The following ANKRD60 variants were observed in gnomAD, a reference collection of about 807,000 sequenced individuals.
The protein encoded by ANKRD60 is ankyrin repeat domain 60, also known as ankyrin repeat domain-containing protein 60.
Under a neutral mutation model 21.3 loss-of-function variants are expected in ANKRD60, and 24 were observed. That is an observed-to-expected ratio of 1.13 (90% CI 0.82 to 1.59). The LOEUF is 1.59. ANKRD60 is among the 40% of genes most tolerant of loss of function. The pLI is 0.00. For missense variants in ANKRD60, 490 were observed against 466.7 expected, an observed-to-expected ratio of 1.05 and a Z score of -0.46; for synonymous variants, 182 against 199.4, an observed-to-expected ratio of 0.91 and a Z score of 0.74.
At position 58,225,614 on chromosome 20, in the gene ANKRD60, G is replaced by A. The variant is rs1017885157; in HGVS notation, c.431-2432C>T. Among the ~76,000 whole-genome samples, 21 of 152,230 alleles carry A rather than the reference G, an allele frequency of 1.4e-4. 1 individual carries two copies. The highest frequency in any genetic ancestry group is 3.9e-4 in the African/African-American group (16 of 41,546). ...TCCAGAGCTGGTTTCTCTGTGTTAC[G>A]GATTAGGAAACTGAGCCCAGAAGGG... On this transcript the variant is annotated intron_variant, in intron 1 of 3. Coordinates refer to ENST00000457363, the Ensembl canonical transcript of ANKRD60.
intron 3 of ANKRD60, among the ~76,000 whole-genome samples, chr20:58,219,513 G>A (rs1056364111): frequency 6.6e-6 from 1 of 152,192 alleles, no homozygotes; most frequent in Admixed American, 6.5e-5. Context: ...GCAATGGGCA[G>A]CCTGACTCAT....
At chr20:58,225,560 T>G (rs947834742) in intron 1 of ANKRD60, among the ~76,000 whole-genome samples, 16 of 152,180 alleles carry the variant, frequency 1.1e-4, no homozygotes, top group African/African-American at 3.9e-4. Flanking sequence ...GCGTCATTTC[T>G]GTCCAGAGGG....
At chr20:58,226,849 T>A (rs1984373575) in intron 1 of ANKRD60, among the ~76,000 whole-genome samples, 1 of 152,154 alleles carries the variant, frequency 6.6e-6, no homozygotes, top group African/African-American at 2.4e-5. Flanking sequence ...AGGGTTCATT[T>A]TGGGCTCTGT....
chr20:58,220,249 T>C (rs1984219141), intron 3 of ANKRD60, among the ~76,000 whole-genome samples: 2 of 152,128 alleles, frequency 1.3e-5, no homozygotes, highest in Non-Finnish European at 2.9e-5. Flanking sequence ...CCAAGGAAGC[T>C]GGTGGTCTGG....
intron 3 of ANKRD60, among the ~76,000 whole-genome samples, chr20:58,219,261 C>A (rs184525740): frequency 6.6e-6 from 1 of 152,342 alleles, no homozygotes; most frequent in Admixed American, 6.5e-5. Flanking sequence ...GGTTTCATTT[C>A]TTTCCTTGGG....
At chr20:58,218,439 T>C, downstream of ANKRD60, 3 of 1,501,010 alleles carry the variant, frequency 2.0e-6, no homozygotes, top group Non-Finnish European at 1.8e-6. Context: ...CCCATGGGAT[T>C]GAACTCTGCA....
chr20:58,225,933 C>G (rs993577771), intron 1 of ANKRD60, among the ~76,000 whole-genome samples: 8 of 152,054 alleles, frequency 5.3e-5, no homozygotes, highest in African/African-American at 1.9e-4. Context: ...GGGAAGGAGA[C>G]TGATGGAAGG....
intron 2 of ANKRD60, among the ~76,000 whole-genome samples, chr20:58,222,328 G>A (rs1984275738): frequency 6.6e-6 from 1 of 152,172 alleles, no homozygotes; most frequent in Non-Finnish European, 1.5e-5. Context: ...GCCTCCTGCC[G>A]CACCTGCCCC....
chr20:58,228,119 C>T lies in ANKRD60; in HGVS notation c.430+105G>A. On this transcript the variant is annotated intron_variant, in intron 1 of 3. Coordinates refer to ENST00000457363, the Ensembl canonical transcript of ANKRD60. This position sits in a 1 kb window ranked among gnomAD's most constrained non-coding sequence, Gnocchi z 5.3. ...GTTGGGTTTCAGGGGTTTGCTTTGACATCTGGGGTTTCTCACGTAAGCAGG... is the reference window on the plus strand; with the variant it reads ...GTTGGGTTTCAGGGGTTTGCTTTGATATCTGGGGTTTCTCACGTAAGCAGG... 8.4e-7 allele frequency: 1 copy of T among 1,194,622 alleles called. No homozygotes were observed. The highest frequency in any genetic ancestry group is 2.7e-5 in the Admixed American group (1 of 37,418). 74.0% of individuals were successfully genotyped at this position (1,194,622 alleles called of 1,614,324 possible).
intron 3 of ANKRD60, among the ~76,000 whole-genome samples, chr20:58,220,896 G>A (rs765613725): frequency 6.6e-6 from 1 of 152,130 alleles, no homozygotes; most frequent in Non-Finnish European, 1.5e-5. Flanking sequence ...GCCTTCCAAA[G>A]TGCTGAGATT....
chr20:58,223,321 G>A (rs1984300806), intron 1 of ANKRD60, 139 bp from the exon 2 acceptor site: 1 of 776,334 alleles, frequency 1.3e-6, no homozygotes, highest in Non-Finnish European at 1.9e-6. Flanking sequence ...TCATTTGATG[G>A]TGTCGCGTGG....
At chr20:58,227,066 T>G (rs1017356761) in intron 1 of ANKRD60, among the ~76,000 whole-genome samples, 6 of 152,190 alleles carry the variant, frequency 3.9e-5, no homozygotes, top group Non-Finnish European at 7.3e-5. Flanking sequence ...ATATGGGGTC[T>G]TGAGGCAGGC....
In ANKRD60 at chr20:58,220,031, G is replaced by A. The variant is rs16981846; in HGVS notation, c.728-1226C>T. Among the ~76,000 whole-genome samples the A allele has an allele frequency of 5.6e-3, 857 of 152,288 alleles. 5 individuals are homozygous for A. Among genetic ancestry groups the A allele is most frequent in the African/African-American group, 0.018 (745 of 41,538 alleles). On this transcript the variant is annotated intron_variant, in intron 3 of 3. Transcript: ENST00000457363. ...CACCCGATGCACGGCCCAATCATCC[G>A]GCCCAGGAAGTCCAAGATGTTTTCC...
chr20:58,218,928 C>A, intron 3 of ANKRD60, 123 bp from the exon 4 acceptor site: 1 of 874,796 alleles, frequency 1.1e-6, no homozygotes, highest in Non-Finnish European at 1.7e-6. Context: ...CCAGTACTGC[C>A]CTGCCCCCAG....
At chr20:58,225,373 T>C (rs955134242) in intron 1 of ANKRD60, among the ~76,000 whole-genome samples, 3 of 152,228 alleles carry the variant, frequency 2.0e-5, no homozygotes, top group African/African-American at 7.2e-5. Context: ...ACTTTTAATA[T>C]GTTAAATACA....
chr20:58,217,546 G>C (rs149293232), downstream of ANKRD60, among the ~76,000 whole-genome samples: 4 of 151,970 alleles, frequency 2.6e-5, no homozygotes, highest in African/African-American at 4.8e-5. Flanking sequence ...GTCAAGTCTC[G>C]GTGCTCTCTT....
rs145966933 is a variant in ANKRD60, at chr20:58,219,773, G to C, written c.728-968C>G. Among the ~76,000 whole-genome samples, 111 of 152,314 alleles carry C rather than the reference G, an allele frequency of 7.3e-4. 1 individual carries two copies. Among genetic ancestry groups the C allele is most frequent in the Middle Eastern group, 6.8e-3 (2 of 294 alleles). On this transcript the variant is annotated intron_variant, in intron 3 of 3. Coordinates refer to ENST00000457363, the Ensembl canonical transcript of ANKRD60. Reference sequence around the variant, plus strand: ...GTGTCGACCATGACACCTCCCCCCAGCAGCTGTCTGCAGAGGACAGAAAAC... The same window carrying C: ...GTGTCGACCATGACACCTCCCCCCACCAGCTGTCTGCAGAGGACAGAAAAC...
chr20:58,217,682 A>G (rs952851424), downstream of ANKRD60, among the ~76,000 whole-genome samples: 2 of 152,172 alleles, frequency 1.3e-5, no homozygotes, highest in African/African-American at 4.8e-5. Context: ...AGGTTTTGCA[A>G]TGCAAAGACC....
chr20:58,224,113 A>AC, intron 1 of ANKRD60, among the ~76,000 whole-genome samples: 1 of 152,004 alleles, frequency 6.6e-6, no homozygotes, highest in East Asian at 1.9e-4. Context: ...AAAAAAAAAA[A>AC]AGGCTCCAGA....
Sources: allele counts gnomAD v4.1 joint callset (sites outside exome capture counted in the v4.1 genomes callset), GRCh38; gene constraint gnomAD v4.1.1; non-coding constraint Gnocchi (gnomAD v3.1); transcripts MANE v1.5; gene names NCBI Gene and HGNC (gene_info 2026-07-23, HGNC 2026-07-21).